Variants in ADAM12 observed in about 807,000 individuals in gnomAD.
ADAM12 encodes ADAM metallopeptidase domain 12.
Under a neutral mutation model 106.4 loss-of-function variants are expected in ADAM12, and 70 were observed. The ratio of observed to expected loss-of-function variants is 0.66; its 90% CI spans 0.54 to 0.80. The LOEUF is 0.80. Among genes scored for constraint, ADAM12 ranks in the 30% least tolerant of loss-of-function variants. The pLI is 0.00. For missense variants in ADAM12, 1,010 were observed against 1,171.9 expected, an observed-to-expected ratio of 0.86 and a Z score of 2.02; for synonymous variants, 420 against 433.5, an observed-to-expected ratio of 0.97 and a Z score of 0.39.
At chr10:126,044,665 C>G (rs1954268222) in intron 17 of ADAM12, among the ~76,000 whole-genome samples, 1 of 152,198 alleles carries the variant, frequency 6.6e-6, no homozygotes, top group African/African-American at 2.4e-5. Flanking sequence ...TAATGCTTTC[C>G]TGCTTCAACC....
chr10:126,094,197 T>G (rs982821426), intron 10 of ADAM12, 64 bp from the exon 11 acceptor site: 2 of 1,507,362 alleles, frequency 1.3e-6, no homozygotes, highest in African/African-American at 2.8e-5. Flanking sequence ...TTCCCAGGTC[T>G]CCCTCCCCAC....
chr10:126,311,614 G>A (rs912068779), intron 2 of ADAM12, among the ~76,000 whole-genome samples: 1 of 152,080 alleles, frequency 6.6e-6, no homozygotes. Flanking sequence ...CTCTGGGGAG[G>A]GGAGAGGAGC....
chr10:126,316,498 A>G (rs1853878528), intron 2 of ADAM12, among the ~76,000 whole-genome samples: 1 of 152,098 alleles, frequency 6.6e-6, no homozygotes, highest in Non-Finnish European at 1.5e-5. Flanking sequence ...GCAGGGCTCA[A>G]TTTACATGGC....
intron 14 of ADAM12, among the ~76,000 whole-genome samples, chr10:126,060,990 G>T (rs1032287240): frequency 6.6e-6 from 1 of 152,224 alleles, no homozygotes; most frequent in Non-Finnish European, 1.5e-5. Context: ...CACTTGCCCT[G>T]GTTGGCCCCA....
chr10:126,083,039 G>A (rs1565042816), intron 11 of ADAM12, among the ~76,000 whole-genome samples: 1 of 152,216 alleles, frequency 6.6e-6, no homozygotes, highest in Non-Finnish European at 1.5e-5. Flanking sequence ...ATTTGTACTC[G>A]CAGGTGACCG....
At chr10:126,082,708 C>A (rs1316601410) in intron 11 of ADAM12, among the ~76,000 whole-genome samples, 2 of 152,130 alleles carry the variant, frequency 1.3e-5, no homozygotes, top group Non-Finnish European at 2.9e-5. Context: ...GCTTGCTGAG[C>A]TTTTCCAAAA....
intron 6 of ADAM12, among the ~76,000 whole-genome samples, chr10:126,110,511 G>A (rs1565065146): frequency 1.3e-5 from 2 of 152,114 alleles, no homozygotes; most frequent in African/African-American, 4.8e-5. Context: ...AAAGAGAACG[G>A]AAAGAAACAG....
At chr10:126,045,523 T>C (rs2133425618) in intron 17 of ADAM12, among the ~76,000 whole-genome samples, 1 of 152,324 alleles carries the variant, frequency 6.6e-6, no homozygotes, top group East Asian at 1.9e-4. Flanking sequence ...CCATTGGAAA[T>C]AAGCCCATCA....
chr10:126,125,148 C>T (rs965867165), intron 5 of ADAM12, among the ~76,000 whole-genome samples: 3 of 152,002 alleles, frequency 2.0e-5, no homozygotes, highest in Non-Finnish European at 4.4e-5. Flanking sequence ...TCATCATTCC[C>T]CCCAAAACTC....
At chr10:126,251,668 G>GATAGATGA (rs1958762930) in intron 3 of ADAM12, among the ~76,000 whole-genome samples, 1 of 152,120 alleles carries the variant, frequency 6.6e-6, no homozygotes, top group Non-Finnish European at 1.5e-5. Flanking sequence ...AGGAAGGATG[G>GATAGATGA]ATGGATGGGA....
At chr10:126,137,847 T>C (rs1262841381) in intron 4 of ADAM12, among the ~76,000 whole-genome samples, 2 of 152,278 alleles carry the variant, frequency 1.3e-5, no homozygotes, top group Non-Finnish European at 2.9e-5. Flanking sequence ...TGAACACATG[T>C]GTACACATTT....
At chr10:126,061,471 A>C (rs1954754419) in intron 14 of ADAM12, among the ~76,000 whole-genome samples, 1 of 152,118 alleles carries the variant, frequency 6.6e-6, no homozygotes, top group African/African-American at 2.4e-5. Flanking sequence ...CTTGTCTAAA[A>C]CCTATGCACA....
intron 5 of ADAM12, among the ~76,000 whole-genome samples, chr10:126,120,080 G>A (rs1956057971): frequency 6.6e-6 from 1 of 152,126 alleles, no homozygotes; most frequent in African/African-American, 2.4e-5. Flanking sequence ...AAATTCATCT[G>A]ACTGGAAATG....
In ADAM12 at chr10:126,384,049, T is replaced by G. The variant is rs374003847; in HGVS notation, c.88+4009A>C. ...CTGCCTTTTGTCCTTTCTGCTGTAT[T>G]ACTGCCTGGAATGCAGATATGATGC... is the stretch of plus-strand genomic sequence containing the variant. On this transcript the variant is annotated intron_variant, in intron 1 of 22. Transcript: ENST00000448723. 5.0e-4 allele frequency among the ~76,000 whole-genome samples: 76 copies of G among 152,340 alleles called. 3 individuals are homozygous for G. In the South Asian group the frequency reaches 0.015, roughly 30 times the overall value.
chr10:126,220,862 G>A (rs1042907213), intron 3 of ADAM12, among the ~76,000 whole-genome samples: 20 of 152,310 alleles, frequency 1.3e-4, no homozygotes, highest in Admixed American at 3.3e-4. Flanking sequence ...CCTTTCTCTG[G>A]GGCACCTGTG....
chr10:126,126,731 G>C (rs1485023323), intron 5 of ADAM12, among the ~76,000 whole-genome samples: 1 of 152,002 alleles, frequency 6.6e-6, no homozygotes. Flanking sequence ...AATCTAAGAG[G>C]GGGGTTGAAC....
At chr10:126,215,780 T>C (rs1356587608) in intron 3 of ADAM12, among the ~76,000 whole-genome samples, 1 of 152,136 alleles carries the variant, frequency 6.6e-6, no homozygotes, top group African/African-American at 2.4e-5. Flanking sequence ...AATTGTGTAT[T>C]TGTCACCCCC....
chr10:126,194,566 C>A (rs977202772), intron 3 of ADAM12, among the ~76,000 whole-genome samples: 2 of 152,072 alleles, frequency 1.3e-5, no homozygotes, highest in Non-Finnish European at 2.9e-5. Flanking sequence ...TAAATGTATG[C>A]AAGAATAAAA....
intron 2 of ADAM12, among the ~76,000 whole-genome samples, chr10:126,303,968 A>G (rs1316850747): frequency 6.6e-6 from 1 of 152,166 alleles, no homozygotes; most frequent in Admixed American, 6.5e-5. Context: ...GTCTTTCTTG[A>G]TCAGACCTCC....
Sources: allele counts gnomAD v4.1 joint callset (sites outside exome capture counted in the v4.1 genomes callset), GRCh38; gene constraint gnomAD v4.1.1; transcripts MANE v1.5; gene names NCBI Gene and HGNC (gene_info 2026-07-23, HGNC 2026-07-21).